AFG2A: variants seen among roughly 807,000 people sequenced by gnomAD.
AFG2A encodes ATPase family gene 2 protein homolog A.
the AFG2A span, among the ~76,000 whole-genome samples, chr4:123,017,919 G>A: frequency 1.3e-5 from 2 of 152,330 alleles, no homozygotes; most frequent in South Asian, 4.1e-4. Context: ...AACATTGTCA[G>A]TGCCCCTGGA....
chr4:123,180,079 G>A, the AFG2A span, among the ~76,000 whole-genome samples: 1 of 151,934 alleles, frequency 6.6e-6, no homozygotes, highest in Non-Finnish European at 1.5e-5. Flanking sequence ...AATTAGCTGG[G>A]CATGGTGGCA....
At chr4:123,072,115 A>G in the AFG2A span, among the ~76,000 whole-genome samples, 5 of 151,962 alleles carry the variant, frequency 3.3e-5, no homozygotes, top group Non-Finnish European at 7.4e-5. Context: ...TTAAATCCCA[A>G]CTCTTTTATT....
chr4:123,256,828 T>C, the AFG2A span: 3 of 983,640 alleles, frequency 3.0e-6, no homozygotes, highest in African/African-American at 5.2e-5. Context: ...CCTTACCAAC[T>C]CTTTACTTAT....
the AFG2A span, among the ~76,000 whole-genome samples, chr4:123,015,333 C>T: frequency 1.1e-4 from 16 of 151,612 alleles, no homozygotes; most frequent in Non-Finnish European, 2.4e-4. Flanking sequence ...ACCCTGCGGC[C>T]TTCCGCAGTG....
the AFG2A span, among the ~76,000 whole-genome samples, chr4:123,205,795 G>GT: frequency 0.016 from 2,440 of 152,204 alleles, 35 homozygotes; most frequent in Non-Finnish European, 0.025. Flanking sequence ...GTCTCAATAA[G>GT]TGTTTTAATT....
At chr4:123,121,735 T>C in the AFG2A span, among the ~76,000 whole-genome samples, 1 of 152,220 alleles carries the variant, frequency 6.6e-6, no homozygotes, top group African/African-American at 2.4e-5. Flanking sequence ...CAAAATCACT[T>C]AAGGATGCAC....
At chr4:123,050,398 C>A in the AFG2A span, among the ~76,000 whole-genome samples, 1 of 152,106 alleles carries the variant, frequency 6.6e-6, no homozygotes, top group Admixed American at 6.6e-5. Context: ...TGGGGCATTG[C>A]GGTCCCCTGC....
chr4:123,237,778 T>A, the AFG2A span, among the ~76,000 whole-genome samples: 1 of 151,652 alleles, frequency 6.6e-6, no homozygotes, highest in African/African-American at 2.4e-5. Flanking sequence ...GTTGGGTGAT[T>A]TCTGCGTTTC....
chr4:123,110,054 T>A, the AFG2A span, among the ~76,000 whole-genome samples: 1,865 of 152,246 alleles, frequency 0.012, 39 homozygotes, highest in African/African-American at 0.042. Flanking sequence ...TAGCTACATG[T>A]AGTTTTTTCT....
At chr4:122,934,617 AG>A in the AFG2A span, 1 of 1,614,008 alleles carries the variant, frequency 6.2e-7, no homozygotes, top group East Asian at 2.2e-5. Flanking sequence ...AAAATTCAAA[AG>A]AGCAAGACAA....
the AFG2A span, among the ~76,000 whole-genome samples, chr4:123,111,443 A>G: frequency 1.7e-3 from 262 of 152,326 alleles, 1 homozygote; most frequent in South Asian, 3.9e-3. Context: ...CATTTCTGAT[A>G]AAGTTTGTAT....
At chr4:123,318,771 A>G in the AFG2A span, 1 of 71,084 alleles carries the variant, frequency 1.4e-5, no homozygotes, top group Admixed American at 1.7e-4. Context: ...AAAAAAAAAA[A>G]AAAAAGGGGG....
At chr4:123,311,335 C>T in the AFG2A span, among the ~76,000 whole-genome samples, 1 of 152,092 alleles carries the variant, frequency 6.6e-6, no homozygotes, top group Non-Finnish European at 1.5e-5. Context: ...ATAGAAAAAT[C>T]TATAGCAGCA....
chr4:123,306,550 A>AT, the AFG2A span, among the ~76,000 whole-genome samples: 1,474 of 149,378 alleles, frequency 9.9e-3, 20 homozygotes, highest in African/African-American at 0.033. Context: ...TTGGATATCA[A>AT]TTTTTTTTTC....
chr4:123,191,887 CTTTG>C, the AFG2A span, among the ~76,000 whole-genome samples: 2 of 152,050 alleles, frequency 1.3e-5, no homozygotes, highest in Non-Finnish European at 2.9e-5. Flanking sequence ...TATCTTTATA[CTTTG>C]TTTATGTTCC....
chr4:123,074,958 G>A, the AFG2A span, among the ~76,000 whole-genome samples: 6 of 151,914 alleles, frequency 3.9e-5, no homozygotes, highest in Admixed American at 1.3e-4. Flanking sequence ...TTTTGGGGGC[G>A]GTGGGAACGG....
the AFG2A span, among the ~76,000 whole-genome samples, chr4:123,173,947 C>G: frequency 1.3e-5 from 2 of 151,648 alleles, no homozygotes; most frequent in Non-Finnish European, 2.9e-5. Context: ...AATATATATT[C>G]TTGATATAGA....
At chr4:122,934,017 G>T in the AFG2A span, 2 of 1,398,168 alleles carry the variant, frequency 1.4e-6, no homozygotes, top group Non-Finnish European at 9.6e-7. Context: ...TCAGATAATA[G>T]ATGAAATATA....
At chr4:123,121,580 A>G in the AFG2A span, among the ~76,000 whole-genome samples, 11 of 152,180 alleles carry the variant, frequency 7.2e-5, no homozygotes, top group African/African-American at 2.7e-4. Flanking sequence ...CACAAATACC[A>G]TTGTGTTACA....
Sources: gnomAD v4.1 joint callset for allele counts (sites outside exome capture counted in the v4.1 genomes callset) on GRCh38, gnomAD v4.1.1 for gene constraint, MANE v1.5 for transcripts, NCBI Gene and HGNC (gene_info 2026-07-23, HGNC 2026-07-21) for gene names.